Variants in DOCK9 observed in about 807,000 individuals in gnomAD.
DOCK9 encodes dedicator of cytokinesis 9, also known as dedicator of cytokinesis protein 9.
Under a neutral mutation model 263.3 loss-of-function variants are expected in DOCK9, and 89 were observed. The ratio of observed to expected loss-of-function variants is 0.34; its 90% CI spans 0.28 to 0.40. The LOEUF (loss-of-function observed/expected upper bound fraction) is 0.40. DOCK9 is among the 10% of genes least tolerant of loss of function. The pLI is 1.00. For missense variants in DOCK9, 2,140 were observed against 2,603.4 expected (o/e 0.82, Z 3.87); for synonymous variants, 976 against 973.1 (o/e 1.00, Z -0.06).
At chr13:99,085,088 C>T (rs991024068) in intron 1 of DOCK9, among the ~76,000 whole-genome samples, 3 of 152,238 alleles carry the variant, frequency 2.0e-5, no homozygotes, top group Admixed American at 6.5e-5. Flanking sequence ...ATCAGCGAAG[C>T]TTCATCTCCA....
At chr13:98,886,982 T>C (rs568119801) in intron 18 of DOCK9, among the ~76,000 whole-genome samples, 2 of 152,136 alleles carry the variant, frequency 1.3e-5, no homozygotes, top group Admixed American at 1.3e-4. Context: ...TGTCAACTCC[T>C]TCCATGTGTC....
intron 1 of DOCK9, among the ~76,000 whole-genome samples, chr13:99,021,827 G>C (rs956206180): frequency 3.9e-5 from 6 of 152,018 alleles, no homozygotes; most frequent in African/African-American, 1.2e-4. Flanking sequence ...TGGGGGACAA[G>C]GGGAGTGAGA....
At chr13:98,841,612 CA>C (rs978787768) in intron 38 of DOCK9, among the ~76,000 whole-genome samples, 186 of 146,248 alleles carry the variant, frequency 1.3e-3, no homozygotes, top group South Asian at 7.7e-3. Context: ...TGTTTATGAA[CA>C]AAATTTTTTT....
At chr13:98,941,405 G>C (rs1323759304) in intron 2 of DOCK9, among the ~76,000 whole-genome samples, 1 of 152,146 alleles carries the variant, frequency 6.6e-6, no homozygotes, top group Admixed American at 6.5e-5. Context: ...TTCCTGAAAA[G>C]TCAGATTTCA....
At chr13:98,893,312 A>T (rs1385268158) in intron 15 of DOCK9, among the ~76,000 whole-genome samples, 1 of 152,218 alleles carries the variant, frequency 6.6e-6, no homozygotes, top group Admixed American at 6.5e-5. Flanking sequence ...CCAACGTAGT[A>T]CCATTAAAAA....
intron 21 of DOCK9, 74 bp downstream of exon 21, chr13:98,884,897 G>T: frequency 6.7e-7 from 1 of 1,486,592 alleles, no homozygotes; most frequent in Non-Finnish European, 9.1e-7. Flanking sequence ...CTTTTTGTGT[G>T]TTATTGTTGT....
intron 1 of DOCK9, among the ~76,000 whole-genome samples, chr13:98,995,178 T>A (rs894914000): frequency 1.3e-5 from 2 of 152,152 alleles, no homozygotes; most frequent in Non-Finnish European, 2.9e-5. Context: ...CCCGAGGAAA[T>A]CTTTGTTTGC....
intron 1 of DOCK9, among the ~76,000 whole-genome samples, chr13:99,079,695 C>A (rs2042050799): frequency 6.6e-6 from 1 of 152,206 alleles, no homozygotes; most frequent in African/African-American, 2.4e-5. Context: ...CCAAGGCTCA[C>A]CTCCAAAGCC....
In DOCK9 at chr13:98,827,624, C is replaced by T. The variant is rs542753461; in HGVS notation, c.4966-737G>A. Among the ~76,000 whole-genome samples, 19 of 152,328 alleles carry T rather than the reference C, an allele frequency of 1.2e-4. No homozygotes were observed. In the East Asian group the frequency reaches 3.3e-3, roughly 26 times the overall value. On this transcript the variant is annotated intron_variant, in intron 43 of 52. Coordinates refer to ENST00000682017, the MANE Select transcript of DOCK9 (RefSeq NM_001366683.2). The stretch of plus-strand genomic sequence containing the variant: ...GCTGCTCCACGTGCACGTGTGTCAA[C>T]GAATGTTAGCAGCGTGGCATGCACT...
chr13:98,856,929 C>G (rs1329219248), intron 33 of DOCK9: 1 of 151,826 alleles, frequency 6.6e-6, no homozygotes, highest in African/African-American at 2.4e-5. Context: ...CAACTATGAG[C>G]AGAAAGGAAA....
intron 1 of DOCK9, among the ~76,000 whole-genome samples, chr13:98,959,079 C>G (rs986321819): frequency 6.6e-6 from 1 of 152,216 alleles, no homozygotes; most frequent in Non-Finnish European, 1.5e-5. Context: ...AGGCTGGAAA[C>G]TGAGGATCTC....
intron 1 of DOCK9, among the ~76,000 whole-genome samples, chr13:99,025,793 C>T (rs921929957): frequency 6.6e-6 from 1 of 152,174 alleles, no homozygotes; most frequent in Non-Finnish European, 1.5e-5. Context: ...GGAAACAACA[C>T]AAATGTCCAT....
At chr13:99,054,774 A>G (rs973530080) in intron 1 of DOCK9, among the ~76,000 whole-genome samples, 1 of 152,226 alleles carries the variant, frequency 6.6e-6, no homozygotes, top group Non-Finnish European at 1.5e-5. Context: ...CACTATCACA[A>G]GCACCATCAG....
intron 9 of DOCK9, 113 bp downstream of exon 9, chr13:98,914,192 ATCAGGTCAGAAAAAGAGAGAGGT>A: frequency 1.4e-6 from 1 of 724,690 alleles, no homozygotes; most frequent in Non-Finnish European, 2.3e-6. Context: ...TCACCTCGTA[ATCAGGTCAGAAAAAGAGAGAGGT>A]AATCACAATG....
At chr13:98,906,708 T>A (rs760489511) in intron 9 of DOCK9, among the ~76,000 whole-genome samples, 3 of 152,180 alleles carry the variant, frequency 2.0e-5, no homozygotes, top group Non-Finnish European at 4.4e-5. Flanking sequence ...ATCTTAATCT[T>A]CTTAGCCATA....
chr13:98,949,899 A>C (rs2057202246), intron 2 of DOCK9: 2 of 476,940 alleles, frequency 4.2e-6, no homozygotes, highest in Non-Finnish European at 8.2e-6. Flanking sequence ...GAGGTCTCCC[A>C]GGCAAATGAC....
intron 45 of DOCK9, chr13:98,820,734 C>A: frequency 2.5e-6 from 1 of 397,422 alleles, no homozygotes. Context: ...CTTTCTTCTC[C>A]AGATATTGAG....
At chr13:98,944,545 AG>A (rs963109649) in intron 2 of DOCK9, among the ~76,000 whole-genome samples, 1 of 152,174 alleles carries the variant, frequency 6.6e-6, no homozygotes, top group African/African-American at 2.4e-5. Flanking sequence ...CTGGCTCCTG[AG>A]GGCACCATTA....
intron 45 of DOCK9, among the ~76,000 whole-genome samples, chr13:98,823,458 G>A (rs966893562): frequency 2.6e-5 from 4 of 152,326 alleles, no homozygotes; most frequent in Admixed American, 6.5e-5. Flanking sequence ...ATGCCACACC[G>A]CTGTGGCCCT....
Sources: allele counts gnomAD v4.1 joint callset (sites outside exome capture counted in the v4.1 genomes callset), GRCh38; gene constraint gnomAD v4.1.1; transcripts MANE v1.5; gene names NCBI Gene and HGNC (gene_info 2026-07-23, HGNC 2026-07-21).